The following YJU2 variants were observed in gnomAD, a reference collection of about 807,000 sequenced individuals.
YJU2 encodes the protein splicing factor YJU2.
YJU2 carries 28 observed loss-of-function variants against 39.6 expected under a neutral mutation model. The observed-to-expected ratio is 0.71, with a 90% CI of 0.52 to 0.97. The LOEUF (loss-of-function observed/expected upper bound fraction) is 0.97, where lower values mean the gene tolerates loss of function less well. Among genes scored for constraint, YJU2 ranks in the 50% least tolerant of loss-of-function variants. The pLI, the probability that YJU2 is intolerant of heterozygous loss-of-function variation, is 0.00. For synonymous variants in YJU2, 184 were observed against 182.4 expected (o/e 1.01, Z -0.07); for missense variants, 328 against 430.4 (o/e 0.76, Z 2.11).
intron 1 of YJU2, 98 bp downstream of exon 1, chr19:4,247,268 C>A: frequency 5.3e-6 from 6 of 1,141,326 alleles, no homozygotes; most frequent in African/African-American, 1.6e-5. Flanking sequence ...TGGAACCCTT[C>A]TTTCCCAGCG....
chr19:4,247,277 C>A (rs1360662699), intron 1 of YJU2, 107 bp downstream of exon 1: 1 of 1,033,968 alleles, frequency 9.7e-7, no homozygotes, highest in South Asian at 1.5e-5. Flanking sequence ...TCTTTCCCAG[C>A]GGCCTTCCGC....
At chr19:4,267,603 A>G (rs1234559045) in intron 6 of YJU2, 21 bp from the exon 7 acceptor site, 2 of 1,609,538 alleles carry the variant, frequency 1.2e-6, no homozygotes, top group Non-Finnish European at 1.7e-6. Flanking sequence ...AGACCCCCAC[A>G]TGTGTCCCCA....
rs747734244 is a variant in YJU2 at position 4,258,384 on chromosome 19, G to C, written c.548G>C (p.Arg183Pro). The change falls in exon 5 of 8, where the codon CGG (arginine) becomes CCG (proline). Residue 183 changes from arginine (R) to proline (P), a missense_variant. Around this residue, in one of 2 missense-constraint regions of YJU2, gnomAD observed 244 missense variants for 264.6 expected, o/e 0.92. Transcript: ENST00000262962. ...CAGCACCGCCTGTCGGAGGAGGAGCGGCGGAGGCAGCAGCAGGAGGAGGAC... is the reference window on the plus strand; with the variant it reads ...CAGCACCGCCTGTCGGAGGAGGAGCCGCGGAGGCAGCAGCAGGAGGAGGAC... The part of the protein sequence containing the change: ...LRQHRLSEEE[R>P]RRQQQEEDEQ... The C allele has an allele frequency of 1.3e-6, 2 of 1,597,268 alleles. No homozygotes were observed. Among genetic ancestry groups the C allele is most frequent in the Non-Finnish European group, 1.7e-6 (2 of 1,174,068 alleles).
chr19:4,253,198 TACACACACAC>T (rs58339658), intron 3 of YJU2, among the ~76,000 whole-genome samples: 19 of 139,072 alleles, frequency 1.4e-4, no homozygotes, highest in Non-Finnish European at 1.8e-4. Context: ...TGTCCGTGTC[TACACACACAC>T]ACACACACAC....
intron 6 of YJU2, among the ~76,000 whole-genome samples, chr19:4,266,185 C>T (rs1245964205): frequency 1.3e-5 from 2 of 151,820 alleles, no homozygotes; most frequent in Non-Finnish European, 2.9e-5. Flanking sequence ...TATCTGACCT[C>T]GTGATCCACC....
At chr19:4,249,133 AC>A (rs1200248064) in intron 1 of YJU2, 94 bp from the exon 2 acceptor site, 6 of 790,552 alleles carry the variant, frequency 7.6e-6, no homozygotes, top group African/African-American at 7.0e-5. Flanking sequence ...GGGCTTGGGG[AC>A]CCCCGACACA....
At chr19:4,252,096 T>C (rs941372021) in intron 3 of YJU2, among the ~76,000 whole-genome samples, 4 of 152,166 alleles carry the variant, frequency 2.6e-5, no homozygotes, top group Non-Finnish European at 5.9e-5. Context: ...GAAGATAACT[T>C]AAAATTTTCT....
chr19:4,265,135 T>A (rs180763267), intron 6 of YJU2, among the ~76,000 whole-genome samples: 1 of 152,202 alleles, frequency 6.6e-6, no homozygotes, highest in Non-Finnish European at 1.5e-5. Context: ...CTACCTGATT[T>A]GATAGCAGGT....
Position 4,247,109 on chromosome 19 carries a change from C to G in YJU2, c.-38C>G. The stretch of plus-strand genomic sequence containing the variant: ...AAGCTCGATAATTACCCAGCCTAAC[C>G]ATTTCTCAGGTGCTTGCGAGGTGAT... On this transcript the variant is annotated 5_prime_UTR_variant, in exon 1 of 8. Transcript: ENST00000262962. 1.2e-6 allele frequency: 2 copies of G among 1,607,078 alleles called. No individual in the cohort carries two copies. The highest frequency in any genetic ancestry group is 8.5e-7 in the Non-Finnish European group (1 of 1,173,550).
intron 6 of YJU2, among the ~76,000 whole-genome samples, chr19:4,264,211 G>C (rs1343776601): frequency 7.7e-6 from 1 of 129,862 alleles, no homozygotes; most frequent in South Asian, 2.7e-4. Context: ...GCAGTGAGCC[G>C]AGATTGTGCC....
At chr19:4,261,320 G>A (rs1971068616) in intron 5 of YJU2, among the ~76,000 whole-genome samples, 1 of 151,998 alleles carries the variant, frequency 6.6e-6, no homozygotes, top group Non-Finnish European at 1.5e-5. Flanking sequence ...GCGAAACCCC[G>A]CCTCTACTAA....
chr19:4,264,875 G>C (rs145763154), intron 6 of YJU2, among the ~76,000 whole-genome samples: 16 of 152,116 alleles, frequency 1.1e-4, no homozygotes, highest in African/African-American at 3.9e-4. Flanking sequence ...CAGTTCTCCC[G>C]CCAAGGCACA....
chr19:4,247,633 GTGTGTGTGTGT>G lies in YJU2; in HGVS notation c.24+464_24+474del, dbSNP rs1970938349. ...TGTGTGTGTGTGTGTGTGTGTGTGT[GTGTGTGTGTGT>G]GTGTGTGTGTGTGTGTGTGTGTGTG... On this transcript the variant is annotated intron_variant, in intron 1 of 7. Coordinates refer to ENST00000262962, the MANE Select transcript of YJU2 (RefSeq NM_018074.6). 2.8e-4 allele frequency among the ~76,000 whole-genome samples: 18 copies of G among 64,320 alleles called. 2 individuals carry two copies. The highest frequency in any genetic ancestry group is 2.4e-3 in the South Asian group (3 of 1,228). The allele number at this position is 64,320 out of a possible 152,430, so 42.2% of individuals were successfully genotyped here. A position where few individuals can be genotyped will look rare whatever the true frequency, so the allele number is the denominator to read the frequency against.
chr19:4,268,773 T>C lies in YJU2; in HGVS notation c.*77T>C, dbSNP rs562579271. 1 of 1,104,354 alleles carries C rather than the reference T, an allele frequency of 9.1e-7. No homozygotes were observed. Among genetic ancestry groups the C allele is most frequent in the Non-Finnish European group, 1.3e-6 (1 of 744,634 alleles). 68.4% of individuals were successfully genotyped at this position (1,104,354 alleles called of 1,614,324 possible). On this transcript the variant is annotated 3_prime_UTR_variant, in exon 8 of 8. Transcript: ENST00000262962. ...ACATTGAGGCCAGCATTGCTGGTGG[T>C]CAGGGCAGGAGGCCTTGGCGTGACT...
intron 1 of YJU2, among the ~76,000 whole-genome samples, chr19:4,247,574 GGGTGGCGCGT>G: frequency 1.2e-5 from 1 of 81,644 alleles, no homozygotes; most frequent in African/African-American, 1.2e-4. Flanking sequence ...GGGTGGGGTG[GGGTGGCGCGT>G]GTGTGTGTGT....
At chr19:4,260,330 A>G (rs1971060518) in intron 5 of YJU2, among the ~76,000 whole-genome samples, 1 of 152,076 alleles carries the variant, frequency 6.6e-6, no homozygotes, top group Non-Finnish European at 1.5e-5. Context: ...CCAGAGGCTG[A>G]GACAGGAGAA....
chr19:4,256,768 T>C (rs1971024907), intron 4 of YJU2, among the ~76,000 whole-genome samples: 1 of 152,200 alleles, frequency 6.6e-6, no homozygotes, highest in African/African-American at 2.4e-5. Flanking sequence ...GGCTGTTGGC[T>C]GTCAGCCTCA....
rs775312209 is a variant in YJU2 at position 4,262,089 on chromosome 19, C to T, written c.683C>T (p.Pro228Leu). 6.2e-7 allele frequency: 1 copy of T among 1,611,240 alleles called. No homozygotes were observed. The highest frequency in any genetic ancestry group is 1.1e-5 in the South Asian group (1 of 91,074). ...TCGCCCCTGCAGCCAGCCCTTCGGC[C>T]CAACCCCACCGCCATCCTGGATGAG... The part of the protein sequence containing the change: ...APSPLQPALR[P>L]NPTAILDEAP... The change falls in exon 6 of 8, where the codon CCC becomes CTC. Residue 228 changes from proline to leucine, a missense_variant. By Grantham distance (98) the Pro-to-Leu change is moderately conservative. Transcript: ENST00000262962.
chr19:4,254,256 TAA>T, intron 3 of YJU2, 97 bp from the exon 4 acceptor site: 1 of 876,104 alleles, frequency 1.1e-6, no homozygotes, highest in Non-Finnish European at 1.9e-6. Flanking sequence ...GTAGAACCAG[TAA>T]AAATCAGAGA....
Sources: gnomAD v4.1 joint callset for allele counts (sites outside exome capture counted in the v4.1 genomes callset) on GRCh38, gnomAD v4.1.1 for gene constraint, gnomAD v4.1.1 regional missense constraint, MANE v1.5 for transcripts, NCBI Gene and HGNC (gene_info 2026-07-23, HGNC 2026-07-21) for gene names.